Variants in CHEK2 observed in about 807,000 individuals in gnomAD.
The protein encoded by CHEK2 is serine/threonine-protein kinase Chk2.
A neutral mutation model predicts 69.1 loss-of-function variants in CHEK2; 71 were observed. The ratio of observed to expected loss-of-function variants is 1.03; its 90% CI spans 0.85 to 1.25. The LOEUF is 1.25. CHEK2 is among the 50% of genes most tolerant of loss of function. CHEK2 has a pLI of 0.00. For synonymous variants in CHEK2, 189 were observed against 226.9 expected (o/e 0.83, Z 1.50); for missense variants, 664 against 649.6 (o/e 1.02, Z -0.24).
At chr22:28,693,526 G>A (rs748530135) in intron 13 of CHEK2, among the ~76,000 whole-genome samples, 2 of 152,136 alleles carry the variant, frequency 1.3e-5, no homozygotes, top group Admixed American at 6.5e-5. Context: ...CAGTGGACAT[G>A]GCTGGGGGTA....
rs567647116 is a variant in CHEK2 at position 28,708,857 on chromosome 22, A to G, written c.846+1149T>C. 37 of 257,392 alleles carry G rather than the reference A, an allele frequency of 1.4e-4. 1 individual carries two copies. Among genetic ancestry groups the G allele is most frequent in the South Asian group, 5.2e-4 (14 of 27,168 alleles). 15.9% of individuals were successfully genotyped at this position (257,392 alleles called of 1,614,324 possible). A position where few individuals can be genotyped will look rare whatever the true frequency, so the allele number is the denominator to read the frequency against. ...GTGCCCAGCTACTCGGGAGGCTGAG[A>G]CAGGAGAATGGCGTGAACCCGGGAG... On this transcript the variant is annotated intron_variant, in intron 7 of 14. Coordinates refer to ENST00000404276, the MANE Select transcript of CHEK2 (RefSeq NM_007194.4).
chr22:28,727,762 C>T (rs1466427519), intron 2 of CHEK2, among the ~76,000 whole-genome samples: 2 of 152,166 alleles, frequency 1.3e-5, no homozygotes, highest in African/African-American at 4.8e-5. Flanking sequence ...GGTGGCCAAG[C>T]TAACCCAATA....
intron 5 of CHEK2, among the ~76,000 whole-genome samples, chr22:28,715,328 T>C (rs2053552346): frequency 6.6e-6 from 1 of 152,148 alleles, no homozygotes; most frequent in Non-Finnish European, 1.5e-5. Flanking sequence ...TCAAAGACCA[T>C]GAAGTAAAGC....
chr22:28,718,531 G>C (rs1841064488), intron 5 of CHEK2, among the ~76,000 whole-genome samples: 1 of 152,106 alleles, frequency 6.6e-6, no homozygotes, highest in Middle Eastern at 3.2e-3. Context: ...AGCAACCAAA[G>C]TGTCCATAAA....
At chr22:28,708,346 AGACT>A (rs1203398021) in intron 7 of CHEK2, among the ~76,000 whole-genome samples, 1 of 137,996 alleles carries the variant, frequency 7.2e-6, no homozygotes, top group Non-Finnish European at 1.6e-5. Flanking sequence ...TAACAGAGAC[AGACT>A]GTCTCTAAAA....
At chr22:28,731,494 G>A (rs908113783) in intron 2 of CHEK2, among the ~76,000 whole-genome samples, 2 of 151,926 alleles carry the variant, frequency 1.3e-5, no homozygotes, top group African/African-American at 2.4e-5. Context: ...TACTCAGGTG[G>A]CTGAGGCAGG....
At chr22:28,720,716 G>A (rs1229107244) in intron 4 of CHEK2, among the ~76,000 whole-genome samples, 1 of 152,180 alleles carries the variant, frequency 6.6e-6, no homozygotes, top group East Asian at 1.9e-4. Flanking sequence ...CTTGTCTGGT[G>A]ACAGACACCT....
intron 9 of CHEK2, among the ~76,000 whole-genome samples, chr22:28,697,661 C>T (rs1206420094): frequency 2.0e-5 from 3 of 152,014 alleles, no homozygotes; most frequent in African/African-American, 7.2e-5. Flanking sequence ...CCTCAACCTC[C>T]TCAGCTCAAG....
chr22:28,698,238 A>C (rs1014526156), intron 9 of CHEK2, among the ~76,000 whole-genome samples: 4 of 148,080 alleles, frequency 2.7e-5, no homozygotes, highest in Admixed American at 2.0e-4. Context: ...TAAAAAAAAA[A>C]AAAAAAAAAT....
At chr22:28,739,302 G>T (rs571256879) in intron 1 of CHEK2, among the ~76,000 whole-genome samples, 1 of 152,164 alleles carries the variant, frequency 6.6e-6, no homozygotes, top group Non-Finnish European at 1.5e-5. Flanking sequence ...CAAAAGATCC[G>T]AAAAGACATT....
At chr22:28,722,401 G>A (rs562802890) in intron 4 of CHEK2, among the ~76,000 whole-genome samples, 52 of 151,914 alleles carry the variant, frequency 3.4e-4, no homozygotes, top group Non-Finnish European at 6.5e-4. Context: ...TTAGCCGGGC[G>A]CAGTGGCGGG....
At chr22:28,734,342 T>C in intron 2 of CHEK2, 61 bp downstream of exon 2, 6 of 1,547,634 alleles carry the variant, frequency 3.9e-6, no homozygotes, top group Non-Finnish European at 5.3e-6. Flanking sequence ...CACCTGGTAA[T>C]ACAACTTTCT....
chr22:28,714,651 T>C (rs1056339219), intron 5 of CHEK2, among the ~76,000 whole-genome samples: 1 of 152,184 alleles, frequency 6.6e-6, no homozygotes, highest in African/African-American at 2.4e-5. Flanking sequence ...TTAAGTCTAA[T>C]TTATCTATTT....
chr22:28,726,442 T>C (rs1304321739), intron 2 of CHEK2: 4 of 146,962 alleles, frequency 2.7e-5, no homozygotes, highest in South Asian at 2.1e-4. Context: ...ATATATATAA[T>C]TTGTATTTAT....
At chr22:28,706,736 T>C (rs1407082174) in intron 7 of CHEK2, among the ~76,000 whole-genome samples, 1 of 152,080 alleles carries the variant, frequency 6.6e-6, no homozygotes, top group Non-Finnish European at 1.5e-5. Context: ...CTGGCCAACA[T>C]GGCAAAACCC....
intron 4 of CHEK2, chr22:28,724,497 G>T: frequency 4.3e-6 from 1 of 231,528 alleles, no homozygotes; most frequent in Non-Finnish European, 8.7e-6. Context: ...AATCTGTCTG[G>T]ATGGAACTTT....
At chr22:28,716,660 C>T (rs148622323) in intron 5 of CHEK2, among the ~76,000 whole-genome samples, 1,936 of 152,282 alleles carry the variant, frequency 0.013, 22 homozygotes, top group Middle Eastern at 0.017. Flanking sequence ...ATGATTATTT[C>T]CTTTTATGTA....
At chr22:28,706,031 C>T (rs931600403) in intron 7 of CHEK2, among the ~76,000 whole-genome samples, 2 of 150,394 alleles carry the variant, frequency 1.3e-5, no homozygotes, top group Admixed American at 6.6e-5. Context: ...CAGTGGCTCA[C>T]GCCTGTAATC....
At chr22:28,707,270 A>G (rs2053188144) in intron 7 of CHEK2, among the ~76,000 whole-genome samples, 1 of 152,222 alleles carries the variant, frequency 6.6e-6, no homozygotes, top group East Asian at 1.9e-4. Flanking sequence ...GTCACTCTCC[A>G]AGTGTGTTGT....
Sources: allele counts gnomAD v4.1 joint callset (sites outside exome capture counted in the v4.1 genomes callset), GRCh38; gene constraint gnomAD v4.1.1; transcripts MANE v1.5; gene names NCBI Gene and HGNC (gene_info 2026-07-23, HGNC 2026-07-21).